TNFAIP8L3: variants seen among roughly 807,000 people sequenced by gnomAD.
The protein encoded by TNFAIP8L3 is TNF alpha induced protein 8 like 3, also known as tumor necrosis factor alpha-induced protein 8-like protein 3.
TNFAIP8L3 carries 7 observed loss-of-function variants against 11.8 expected under a neutral mutation model. The observed-to-expected ratio is 0.59, with a 90% CI of 0.34 to 1.11. The LOEUF is 1.11. Ranked by LOEUF, TNFAIP8L3 falls within the 50% of genes most tolerant of loss-of-function variation. The probability of loss-of-function intolerance (pLI) is 0.03; values close to 1 mark genes in which losing one functional copy is unlikely to be tolerated. For missense variants in TNFAIP8L3, 219 were observed against 258.6 expected, an observed-to-expected ratio of 0.85 and a Z score of 1.05; for synonymous variants, 98 against 103.8, an observed-to-expected ratio of 0.94 and a Z score of 0.34.
chr15:51,102,382 C>T (rs1170578490), intron 1 of TNFAIP8L3, among the ~76,000 whole-genome samples: 2 of 152,148 alleles, frequency 1.3e-5, no homozygotes, highest in African/African-American at 4.8e-5. Flanking sequence ...ATGTGACAAC[C>T]CAGTTCAATA....
Position 51,094,362 on chromosome 15 carries a change from C to T in TNFAIP8L3, c.52+182G>A, listed in dbSNP as rs764467582. Among the ~76,000 whole-genome samples, 26 of 152,186 alleles carry T rather than the reference C, an allele frequency of 1.7e-4. No individual in the cohort carries two copies. The highest frequency in any genetic ancestry group is 2.6e-4 in the Non-Finnish European group (18 of 68,020). ...CCCTAAATGCACCTTCCCTCCCTCC[C>T]GCGCGCCCAAGTGCAATGGGGTTGG... is the stretch of plus-strand genomic sequence containing the variant. On this transcript the variant is annotated intron_variant, in intron 1 of 1. Coordinates refer to ENST00000637513, the MANE Select transcript of TNFAIP8L3 (RefSeq NM_001311175.2). This position sits in a 1 kb window ranked among gnomAD's most constrained non-coding sequence, Gnocchi z 4.4.
At chr15:51,096,891 C>CAAAAAAAAAAAAAAAAAAA (rs56057102), upstream of TNFAIP8L3, among the ~76,000 whole-genome samples, 2 of 98,280 alleles carry the variant, frequency 2.0e-5, no homozygotes, top group Non-Finnish European at 4.2e-5. Context: ...CACGCTGTCT[C>CAAAAAAAAAAAAAAAAAAA]AAAAAAAAAA....
chr15:51,099,800 G>C (rs1275031360), upstream of TNFAIP8L3, among the ~76,000 whole-genome samples: 1 of 152,200 alleles, frequency 6.6e-6, no homozygotes, highest in African/African-American at 2.4e-5. Flanking sequence ...CCACAGGAGA[G>C]AAGACGGAAT....
intron 1 of TNFAIP8L3, among the ~76,000 whole-genome samples, chr15:51,060,107 T>G (rs1037154165): frequency 8.5e-5 from 13 of 152,248 alleles, no homozygotes; most frequent in Admixed American, 8.5e-4. Flanking sequence ...GACTCTTCTT[T>G]ACTATGAGAA....
At chr15:51,058,490 G>A in intron 1 of TNFAIP8L3, 47 bp from the exon 2 acceptor site, 1 of 1,397,440 alleles carries the variant, frequency 7.2e-7, no homozygotes, top group Non-Finnish European at 9.4e-7. Context: ...TATAAGAACT[G>A]TCTGTTACTT....
chr15:51,058,413 G>C lies in TNFAIP8L3; in HGVS notation c.83C>G (p.Ala28Gly). Residue 28 changes from alanine (A) to glycine (G), a missense_variant, in exon 2 of 2, where the codon GCG becomes GGG. Coordinates refer to ENST00000637513, the MANE Select transcript of TNFAIP8L3 (RefSeq NM_001311175.2). ...CAGAATCTTCTTCTGGGCTTGAAGC[G>C]CAAGACTCTTTGAACTAAAAACATC... Reference protein sequence around the residue: ...GPDVFSSKSLALQAQKKILSK... With the variant: ...GPDVFSSKSLGLQAQKKILSK... 6.2e-7 allele frequency: 1 copy of C among 1,603,472 alleles called. No homozygotes were observed.
intron 1 of TNFAIP8L3, among the ~76,000 whole-genome samples, chr15:51,086,894 CT>C (rs771443209): frequency 2.5e-3 from 359 of 145,540 alleles, no homozygotes; most frequent in Middle Eastern, 3.6e-3. Context: ...GCTACAACTT[CT>C]TTTTTTTTTT....
chr15:51,060,860 G>A (rs1203781491), intron 1 of TNFAIP8L3, among the ~76,000 whole-genome samples: 1 of 152,206 alleles, frequency 6.6e-6, no homozygotes. Context: ...AATTGGCTGG[G>A]TGCTGTGGCT....
chr15:51,068,068 T>C (rs903820572), intron 1 of TNFAIP8L3, among the ~76,000 whole-genome samples: 4 of 152,230 alleles, frequency 2.6e-5, no homozygotes, highest in African/African-American at 9.6e-5. Context: ...ATTAGAAAGA[T>C]AGTTAAATGC....
At chr15:51,097,451 G>T (rs1339100435), upstream of TNFAIP8L3, among the ~76,000 whole-genome samples, 5 of 152,162 alleles carry the variant, frequency 3.3e-5, no homozygotes, top group Admixed American at 2.0e-4. Flanking sequence ...AAAAGTCTTT[G>T]AGTGAAGTTC....
chr15:51,103,154 C>G (rs774273844), intron 1 of TNFAIP8L3, among the ~76,000 whole-genome samples: 1 of 152,184 alleles, frequency 6.6e-6, no homozygotes, highest in African/African-American at 2.4e-5. Flanking sequence ...TCCCTCCCTT[C>G]GGTGTTCAAA....
Position 51,094,630 on chromosome 15 carries a change from CG to C in TNFAIP8L3, c.-36del. The C allele has an allele frequency of 6.9e-7, 1 of 1,439,052 alleles. No homozygotes were observed. Among genetic ancestry groups the C allele is most frequent in the Non-Finnish European group, 9.1e-7 (1 of 1,097,080 alleles). The allele number at this position is 1,439,052 out of a possible 1,614,324, so 89.1% of individuals were successfully genotyped here. ...TGCTGGCTGGGCGTCCACGGCCACC[CG>C]CCCGTCTGCGGGGCGCTCGGGCAGC... On this transcript the variant is annotated 5_prime_UTR_variant, in exon 1 of 2. Transcript: ENST00000637513. The surrounding 1 kb of genome is among the most constrained non-coding windows in gnomAD (Gnocchi z 4.4).
Position 51,057,945 on chromosome 15 carries a change from C to G in TNFAIP8L3, c.551G>C (p.Cys184Ser). 1.9e-6 allele frequency: 3 copies of G among 1,611,922 alleles called. No homozygotes were observed. The highest frequency in any genetic ancestry group is 1.7e-6 in the Non-Finnish European group (2 of 1,179,296). The change falls in exon 2 of 2, where the codon TGT (cysteine) becomes TCT (serine). Residue 184 changes from cysteine to serine, a missense_variant. Cys to Ser is a moderately radical substitution (Grantham distance 112). Transcript: ENST00000637513. ...LSTLYSLDGD[C>S]RPNLKRICEG... ...ACAAATCCTCTTGAGGTTGGGCCTA[C>G]AGTCTCCATCCAGACTATAGAGGGT... is the stretch of plus-strand genomic sequence containing the variant.
intron 1 of TNFAIP8L3, among the ~76,000 whole-genome samples, chr15:51,072,080 C>T (rs1217596313): frequency 1.3e-5 from 2 of 152,178 alleles, no homozygotes; most frequent in Non-Finnish European, 2.9e-5. Flanking sequence ...GGGCTGGCAA[C>T]TATCTCTTCC....
intron 1 of TNFAIP8L3, among the ~76,000 whole-genome samples, chr15:51,083,393 A>C (rs926284559): frequency 1.3e-5 from 2 of 152,204 alleles, no homozygotes; most frequent in South Asian, 4.1e-4. Flanking sequence ...CCTCTAATTT[A>C]AAAAGTAATA....
At chr15:51,094,955 G>C (rs2065501839), upstream of TNFAIP8L3, among the ~76,000 whole-genome samples, 1 of 151,798 alleles carries the variant, frequency 6.6e-6, no homozygotes, top group African/African-American at 2.4e-5. The surrounding 1 kb of genome is among the most constrained non-coding windows in gnomAD (Gnocchi z 4.4). Context: ...GCGGCGCCGC[G>C]CCTCCCTACC....
At chr15:51,075,562 G>GCAC (rs1262384305) in intron 1 of TNFAIP8L3, among the ~76,000 whole-genome samples, 1 of 152,126 alleles carries the variant, frequency 6.6e-6, no homozygotes, top group East Asian at 1.9e-4. Flanking sequence ...ACCACGGCAG[G>GCAC]CACCCAAGAA....
In TNFAIP8L3 at chr15:51,056,652, G is replaced by A. The variant is rs1342047432; in HGVS notation, c.*1229C>T. 4 of 152,244 alleles carry A rather than the reference G, an allele frequency of 2.6e-5. No individual in the cohort carries two copies. The highest frequency in any genetic ancestry group is 9.6e-5 in the African/African-American group (4 of 41,528). 9.4% of individuals were successfully genotyped at this position (152,244 alleles called of 1,614,324 possible). A position where few individuals can be genotyped will look rare whatever the true frequency, so the allele number is the denominator to read the frequency against. ...TGAACCAGAGAAAACAGCACAAAAT[G>A]ACTGAAAAGCCAAGAAAGATGGGTA... is the stretch of plus-strand genomic sequence containing the variant. On this transcript the variant is annotated 3_prime_UTR_variant, in exon 2 of 2. Transcript: ENST00000637513.
chr15:51,064,319 A>G (rs2065257022), intron 1 of TNFAIP8L3, among the ~76,000 whole-genome samples: 1 of 152,180 alleles, frequency 6.6e-6, no homozygotes, highest in African/African-American at 2.4e-5. Context: ...GGTCAGTTAA[A>G]TGAGTTTGTA....
Sources: allele counts gnomAD v4.1 joint callset (sites outside exome capture counted in the v4.1 genomes callset), GRCh38; gene constraint gnomAD v4.1.1; non-coding constraint Gnocchi (gnomAD v3.1); transcripts MANE v1.5; gene names NCBI Gene and HGNC (gene_info 2026-07-23, HGNC 2026-07-21).